The following HS3ST2 variants were observed in gnomAD, a reference collection of about 807,000 sequenced individuals.
HS3ST2 encodes heparan sulfate glucosamine 3-O-sulfotransferase 2.
A neutral mutation model predicts 26.3 loss-of-function variants in HS3ST2; 17 were observed. The observed-to-expected ratio is 0.65, with a 90% confidence interval of 0.44 to 0.97. The LOEUF is 0.97. Ranked by LOEUF, HS3ST2 falls within the 50% of genes least tolerant of loss-of-function variation. HS3ST2 has a pLI of 0.00. For missense variants in HS3ST2, 402 were observed against 501.2 expected, an observed-to-expected ratio of 0.80 and a Z score of 1.89; for synonymous variants, 237 against 219.2, an observed-to-expected ratio of 1.08 and a Z score of -0.72.
chr16:22,841,341 A>T (rs1019375251), intron 1 of HS3ST2, among the ~76,000 whole-genome samples: 2 of 152,116 alleles, frequency 1.3e-5, no homozygotes, highest in Admixed American at 6.5e-5. Flanking sequence ...GATTACAGGC[A>T]TGAGCCACAG....
chr16:22,840,105 A>T (rs1040720998), intron 1 of HS3ST2, among the ~76,000 whole-genome samples: 11 of 152,220 alleles, frequency 7.2e-5, no homozygotes, highest in Non-Finnish European at 1.2e-4. Context: ...TTTGACATCA[A>T]ATCAATTCTG....
intron 1 of HS3ST2, among the ~76,000 whole-genome samples, chr16:22,910,715 CT>C (rs1407513346): frequency 1.3e-5 from 2 of 152,064 alleles, no homozygotes; most frequent in African/African-American, 4.8e-5. Flanking sequence ...GACTTTGGGC[CT>C]AGAAGAAAAA....
At chr16:22,856,271 C>T (rs1375684124) in intron 1 of HS3ST2, among the ~76,000 whole-genome samples, 1 of 152,186 alleles carries the variant, frequency 6.6e-6, no homozygotes, top group African/African-American at 2.4e-5. Flanking sequence ...CATTTTCCAG[C>T]AGACGGAAGA....
chr16:22,877,709 C>T (rs1244616325), intron 1 of HS3ST2, among the ~76,000 whole-genome samples: 1 of 152,152 alleles, frequency 6.6e-6, no homozygotes, highest in Non-Finnish European at 1.5e-5. Context: ...TTTCACTCAA[C>T]ATTTATTAGC....
chr16:22,863,177 A>C (rs1050175002), intron 1 of HS3ST2, among the ~76,000 whole-genome samples: 2 of 152,230 alleles, frequency 1.3e-5, no homozygotes, highest in Non-Finnish European at 2.9e-5. Context: ...TGAGAATGAT[A>C]TACTTCCAGA....
chr16:22,842,523 C>T (rs549312987), intron 1 of HS3ST2, among the ~76,000 whole-genome samples: 23 of 152,128 alleles, frequency 1.5e-4, no homozygotes, highest in South Asian at 1.0e-3. Context: ...TCCTTTGACC[C>T]ACATCTCCCC....
intron 1 of HS3ST2, among the ~76,000 whole-genome samples, chr16:22,850,071 T>C (rs1450814055): frequency 7.4e-6 from 1 of 135,296 alleles, no homozygotes; most frequent in Non-Finnish European, 1.6e-5. Flanking sequence ...TGAATAACAA[T>C]TTTTTTAGTA....
At chr16:22,878,716 C>A (rs1437323808) in intron 1 of HS3ST2, among the ~76,000 whole-genome samples, 1 of 152,010 alleles carries the variant, frequency 6.6e-6, no homozygotes, top group Non-Finnish European at 1.5e-5. Flanking sequence ...AAGGGTGTTC[C>A]AATTTTAGAC....
At chr16:22,909,592 A>C (rs1902396449) in intron 1 of HS3ST2, among the ~76,000 whole-genome samples, 1 of 152,200 alleles carries the variant, frequency 6.6e-6, no homozygotes, top group Admixed American at 6.5e-5. Context: ...AAGGAGAAAT[A>C]AATATTCAAG....
rs935487660 is a variant in HS3ST2, at chr16:22,838,329, A to G, written c.485+23234A>G. Among the ~76,000 whole-genome samples, 16 of 152,204 alleles carry G rather than the reference A, an allele frequency of 1.1e-4. No individual in the cohort carries two copies. The East Asian group carries it at 3.1e-3, about 30-fold the overall frequency. ...TTTGGATTCCTCTGGAATATGTTCGAAGCTGACCCGCTGAGTATGCCTGGA... is the reference window on the plus strand; with the variant it reads ...TTTGGATTCCTCTGGAATATGTTCGGAGCTGACCCGCTGAGTATGCCTGGA... On this transcript the variant is annotated intron_variant, in intron 1 of 1. Coordinates refer to ENST00000261374, the MANE Select transcript of HS3ST2 (RefSeq NM_006043.2).
In HS3ST2 at chr16:22,866,379, T is replaced by C. The variant is rs911380775; in HGVS notation, c.486-48565T>C. 4.7e-5 allele frequency among the ~76,000 whole-genome samples: 7 copies of C among 149,650 alleles called. No homozygotes were observed. In the South Asian group the frequency reaches 8.8e-4, roughly 19 times the overall value. Reference sequence around the variant, plus strand: ...TGACAATATGGTGTGCGTGTGTGTGTGTGTGTGTGTGTGTGTGTGTGTGTG... The same window carrying C: ...TGACAATATGGTGTGCGTGTGTGTGCGTGTGTGTGTGTGTGTGTGTGTGTG... On this transcript the variant is annotated intron_variant, in intron 1 of 1. Coordinates refer to ENST00000261374, the MANE Select transcript of HS3ST2 (RefSeq NM_006043.2).
At chr16:22,821,579 A>T (rs1900993233) in intron 1 of HS3ST2, among the ~76,000 whole-genome samples, 1 of 151,992 alleles carries the variant, frequency 6.6e-6, no homozygotes, top group African/African-American at 2.4e-5. Flanking sequence ...AGAACTGATA[A>T]GTCACACAGA....
At chr16:22,822,856 GAA>G (rs60765964) in intron 1 of HS3ST2, among the ~76,000 whole-genome samples, 5 of 112,420 alleles carry the variant, frequency 4.4e-5, no homozygotes, top group East Asian at 5.3e-4. Flanking sequence ...CTCCGTCTCA[GAA>G]AAAAAAAAAA....
At chr16:22,841,673 T>C (rs1901359081) in intron 1 of HS3ST2, among the ~76,000 whole-genome samples, 3 of 152,330 alleles carry the variant, frequency 2.0e-5, no homozygotes, top group Middle Eastern at 6.8e-3. Flanking sequence ...ATCATCATTA[T>C]TGCTTCCTTT....
chr16:22,816,787 G>C (rs1250346782), intron 1 of HS3ST2, among the ~76,000 whole-genome samples: 6 of 152,242 alleles, frequency 3.9e-5, no homozygotes, highest in Non-Finnish European at 5.9e-5. Context: ...GACCACATTC[G>C]AATGCAGGCC....
chr16:22,814,761 G>T lies in HS3ST2; in HGVS notation c.151G>T (p.Gly51Cys), dbSNP rs772487002. The T allele has an allele frequency of 5.6e-6, 9 of 1,606,024 alleles. No individual in the cohort carries two copies. The East Asian group carries it at 1.8e-4, about 32-fold the overall frequency. ...CGACCTGGGTCGGAGCCGCCTCCTC[G>T]GCGCGCCTCGCTGCCTCCGCGGCCC... Reference protein sequence around the residue: ...CDDLGRSRLLGAPRCLRGPSA... With the variant: ...CDDLGRSRLLCAPRCLRGPSA... Residue 51 changes from glycine (G) to cysteine (C), a missense_variant, in exon 1 of 2, where the codon GGC (glycine) becomes TGC (cysteine). Transcript: ENST00000261374.
chr16:22,884,401 C>T (rs1240929383), intron 1 of HS3ST2, among the ~76,000 whole-genome samples: 1 of 152,050 alleles, frequency 6.6e-6, no homozygotes, highest in East Asian at 1.9e-4. Flanking sequence ...GAGCTCCTGC[C>T]GAGGTAGAAG....
intron 1 of HS3ST2, among the ~76,000 whole-genome samples, chr16:22,900,164 T>C (rs1902264094): frequency 6.6e-6 from 1 of 152,086 alleles, no homozygotes; most frequent in Non-Finnish European, 1.5e-5. Flanking sequence ...AATTTCTATA[T>C]GGGGGAAGGG....
intron 1 of HS3ST2, 87 bp from the exon 2 acceptor site, chr16:22,914,857 C>A (rs1818265338): frequency 9.4e-6 from 13 of 1,384,000 alleles, no homozygotes; most frequent in Non-Finnish European, 1.3e-5. Context: ...ATGCAACAGG[C>A]CCCTGGGTGG....
Sources: gnomAD v4.1 joint callset for allele counts (sites outside exome capture counted in the v4.1 genomes callset) on GRCh38, gnomAD v4.1.1 for gene constraint, MANE v1.5 for transcripts, NCBI Gene and HGNC (gene_info 2026-07-23, HGNC 2026-07-21) for gene names.